The following MANBA variants were observed in gnomAD, a reference collection of about 807,000 sequenced individuals.
MANBA encodes the protein mannosidase beta.
Under a neutral mutation model 111.1 loss-of-function variants are expected in MANBA, and 83 were observed. The ratio of observed to expected loss-of-function variants is 0.75; its 90% CI spans 0.63 to 0.90. MANBA has a LOEUF of 0.90. MANBA is among the 40% of genes least tolerant of loss of function. MANBA has a pLI of 0.00. For missense variants in MANBA, 1,036 were observed against 1,069.0 expected, an observed-to-expected ratio of 0.97 and a Z score of 0.43; for synonymous variants, 370 against 378.7, an observed-to-expected ratio of 0.98 and a Z score of 0.27.
At chr4:102,704,434 G>A (rs1358945358) in intron 5 of MANBA, among the ~76,000 whole-genome samples, 2 of 152,034 alleles carry the variant, frequency 1.3e-5, no homozygotes, top group Non-Finnish European at 2.9e-5. Flanking sequence ...CTCCCAAAGC[G>A]CTAAAGATTA....
At chr4:102,735,452 T>C (rs1445631987) in intron 1 of MANBA, among the ~76,000 whole-genome samples, 1 of 137,762 alleles carries the variant, frequency 7.3e-6, no homozygotes, top group Non-Finnish European at 1.5e-5. Flanking sequence ...ATAAACTGCA[T>C]GCATGCTGAA....
intron 10 of MANBA, 82 bp from the exon 11 acceptor site, chr4:102,664,934 C>T (rs1560758638): frequency 8.9e-6 from 10 of 1,118,390 alleles, no homozygotes. Flanking sequence ...AAAATTAAAG[C>T]CCTTGCATTT....
chr4:102,725,499 C>T (rs562122262), intron 2 of MANBA, among the ~76,000 whole-genome samples: 14 of 152,210 alleles, frequency 9.2e-5, no homozygotes, highest in African/African-American at 3.1e-4. Flanking sequence ...GGCAGTGTTA[C>T]AGGGACAGAC....
Position 102,760,886 on chromosome 4 carries a change from G to A in MANBA, c.9C>T (p.Leu3=), listed in dbSNP as rs377551177. MR[L]HLLLLLALCG... is the part of the protein sequence containing the mutation. Reference sequence around the variant, plus strand: ...ACAGCGCGAGCAGCAGGAGCAGGTGGAGGCGCATCTTGAGATCCCGCGCCA... The same window carrying A: ...ACAGCGCGAGCAGCAGGAGCAGGTGAAGGCGCATCTTGAGATCCCGCGCCA... Residue 3 remains leucine (L), a synonymous_variant, in exon 1 of 17, where the codon CTC becomes CTT. Transcript: ENST00000647097. 62 of 1,567,442 alleles carry A rather than the reference G, an allele frequency of 4.0e-5. No individual in the cohort carries two copies. The African/African-American group carries it at 6.6e-4, about 17-fold the overall frequency.
At chr4:102,728,447 A>G in intron 1 of MANBA, 1 of 439,780 alleles carries the variant, frequency 2.3e-6, no homozygotes, top group Non-Finnish European at 4.4e-6. Flanking sequence ...GATTGAAGAG[A>G]GGGACTCTTT....
intron 4 of MANBA, among the ~76,000 whole-genome samples, chr4:102,721,169 A>T (rs1161705194): frequency 1.3e-5 from 2 of 152,122 alleles, no homozygotes; most frequent in East Asian, 1.9e-4. Context: ...ACTAAAAATT[A>T]AAAAATTAGC....
intron 1 of MANBA, chr4:102,729,937 C>A: frequency 7.6e-7 from 1 of 1,311,932 alleles, no homozygotes; most frequent in South Asian, 1.2e-5. Flanking sequence ...GGGTCCACCT[C>A]CAGGTTAAGG....
chr4:102,632,511 T>C (rs1729434715), intron 16 of MANBA, among the ~76,000 whole-genome samples: 2 of 152,348 alleles, frequency 1.3e-5, no homozygotes, highest in South Asian at 4.1e-4. Flanking sequence ...ATACATCGTC[T>C]CCAATCATTA....
At chr4:102,643,638 T>A (rs1444104207) in intron 13 of MANBA, among the ~76,000 whole-genome samples, 2 of 152,222 alleles carry the variant, frequency 1.3e-5, no homozygotes, top group Non-Finnish European at 2.9e-5. Context: ...GATTTGCATT[T>A]CTCTAATAAC....
In MANBA at chr4:102,710,117, C is replaced by T. The variant is rs146540079; in HGVS notation, c.673+4321G>A. Among the ~76,000 whole-genome samples the T allele has an allele frequency of 4.1e-3, 624 of 152,148 alleles. 6 individuals are homozygous for T. The highest frequency in any genetic ancestry group is 0.013 in the African/African-American group (527 of 41,520). On this transcript the variant is annotated intron_variant, in intron 5 of 16. Transcript: ENST00000647097. Reference sequence around the variant, plus strand: ...AACTAGAATGGGAAAAAGATGCCCACGTTCACCACTCCTATCCAATAAAAT... The same window carrying T: ...AACTAGAATGGGAAAAAGATGCCCATGTTCACCACTCCTATCCAATAAAAT...
At chr4:102,632,783 A>C (rs771696632) in intron 16 of MANBA, among the ~76,000 whole-genome samples, 4 of 152,210 alleles carry the variant, frequency 2.6e-5, no homozygotes, top group East Asian at 1.9e-4. Context: ...ATAGTTAAGT[A>C]AAGTCACATT....
rs772859637 is a variant in MANBA, at chr4:102,631,718, T to C, written c.*339A>G. ...CCTCAAAACCTTCCATTTGGTTCCA[T>C]AGATCCTGCCATGTCACATTCTTGT... On this transcript the variant is annotated 3_prime_UTR_variant, in exon 17 of 17. Coordinates refer to ENST00000647097, the MANE Select transcript of MANBA (RefSeq NM_005908.4). The C allele has an allele frequency of 2.2e-5, 12 of 546,084 alleles. No homozygotes were observed. Among genetic ancestry groups the C allele is most frequent in the Admixed American group, 6.8e-5 (2 of 29,294 alleles). 33.8% of individuals were successfully genotyped at this position (546,084 alleles called of 1,614,324 possible).
intron 13 of MANBA, among the ~76,000 whole-genome samples, chr4:102,641,520 T>C (rs1238787374): frequency 6.6e-6 from 1 of 152,184 alleles, no homozygotes; most frequent in Admixed American, 6.5e-5. Flanking sequence ...GTTTTAGCTA[T>C]GAGCAGACAA....
chr4:102,718,825 G>A (rs1277140705), intron 4 of MANBA, among the ~76,000 whole-genome samples: 1 of 152,140 alleles, frequency 6.6e-6, no homozygotes. Flanking sequence ...TCACATATTG[G>A]TAGGACCGTG....
At chr4:102,716,940 T>C (rs1476809483) in intron 4 of MANBA, among the ~76,000 whole-genome samples, 3 of 152,224 alleles carry the variant, frequency 2.0e-5, no homozygotes, top group South Asian at 4.1e-4. Flanking sequence ...AGTTACTTTA[T>C]AGCATCCACA....
At chr4:102,697,458 A>C (rs1035927703) in intron 5 of MANBA, among the ~76,000 whole-genome samples, 4 of 150,756 alleles carry the variant, frequency 2.7e-5, no homozygotes, top group South Asian at 4.3e-4. Flanking sequence ...TGCACCCACT[A>C]AACTTGTCAT....
intron 13 of MANBA, among the ~76,000 whole-genome samples, chr4:102,644,081 T>A (rs1729996538): frequency 6.6e-6 from 1 of 152,176 alleles, no homozygotes; most frequent in Admixed American, 6.5e-5. Context: ...GTATATGGTA[T>A]GAGGTAGTGG....
intron 12 of MANBA, among the ~76,000 whole-genome samples, chr4:102,655,991 A>T (rs1228630001): frequency 6.6e-6 from 1 of 152,164 alleles, no homozygotes; most frequent in Non-Finnish European, 1.5e-5. Flanking sequence ...AGTGGCTCAC[A>T]CCTGTAAGCC....
chr4:102,631,273 A>G lies in MANBA; in HGVS notation c.*784T>C, dbSNP rs12644381. 83,586 of 152,260 alleles carry G rather than the reference A, an allele frequency of 0.55. 23,380 individuals carry two copies. The highest frequency in any genetic ancestry group is 0.63 in the African/African-American group (26,091 of 41,338). The allele number at this position is 152,260 out of a possible 1,614,324, so 9.4% of individuals were successfully genotyped here. ...AACCAAAACCACTAATAATATCTTA[A>G]TTTTAAAGCCAAACACTCTTTGCTG... On this transcript the variant is annotated 3_prime_UTR_variant, in exon 17 of 17. Transcript: ENST00000647097.
Sources: gnomAD v4.1 joint callset for allele counts (sites outside exome capture counted in the v4.1 genomes callset) on GRCh38, gnomAD v4.1.1 for gene constraint, MANE v1.5 for transcripts, NCBI Gene and HGNC (gene_info 2026-07-23, HGNC 2026-07-21) for gene names.